SLC2A14: variants seen among roughly 807,000 people sequenced by gnomAD.
SLC2A14 encodes solute carrier family 2 member 14, also known as solute carrier family 2, facilitated glucose transporter member 14.
A neutral mutation model predicts 43.0 loss-of-function variants in SLC2A14; 13 were observed. The ratio of observed to expected loss-of-function variants is 0.30; its 90% CI spans 0.20 to 0.48. SLC2A14 has a LOEUF of 0.48. Ranked by LOEUF, SLC2A14 falls within the 20% of genes least tolerant of loss-of-function variation. SLC2A14 has a pLI of 0.99. For missense variants in SLC2A14, 428 were observed against 620.4 expected (o/e 0.69, Z 3.29); for synonymous variants, 190 against 233.8 (o/e 0.81, Z 1.71).
chr12:7,828,131 A>C (rs1864657665), intron 6 of SLC2A14, among the ~76,000 whole-genome samples: 1 of 151,966 alleles, frequency 6.6e-6, no homozygotes, highest in Non-Finnish European at 1.5e-5. Context: ...TGGGAGGCCA[A>C]GGCAGGCGAA....
chr12:7,814,231 C>T lies in SLC2A14; in HGVS notation c.*85G>A. 2 of 1,461,708 alleles carry T rather than the reference C, an allele frequency of 1.4e-6. No homozygotes were observed. Among genetic ancestry groups the T allele is most frequent in the South Asian group, 2.6e-5 (2 of 78,246 alleles). 90.5% of individuals were successfully genotyped at this position (1,461,708 alleles called of 1,614,324 possible). A position where few individuals can be genotyped will look rare whatever the true frequency, so the allele number is the denominator to read the frequency against. The stretch of plus-strand genomic sequence containing the variant: ...TCAAGTAGCAGCATTCAGAAGCAGT[C>T]CTGGGTTCATCCTGATAAAGTCTCT... On this transcript the variant is annotated 3_prime_UTR_variant, in exon 11 of 11. Coordinates refer to ENST00000431042, the MANE Select transcript of SLC2A14 (RefSeq NM_001286234.2).
At chr12:7,886,151 C>CTTTT (rs3044922) in intron 1 of SLC2A14, among the ~76,000 whole-genome samples, 4 of 44,696 alleles carry the variant, frequency 8.9e-5, no homozygotes, top group Non-Finnish European at 1.6e-4. Flanking sequence ...GCCCGGACAG[C>CTTTT]TTTTTTTTTT....
chr12:7,859,326 G>A (rs1405459219), intron 2 of SLC2A14, among the ~76,000 whole-genome samples: 1 of 152,048 alleles, frequency 6.6e-6, no homozygotes, highest in Admixed American at 6.6e-5. Context: ...GGAGGCAGTG[G>A]TTGCGATGAG....
chr12:7,863,568 G>A (rs1944727828), intron 2 of SLC2A14: 2 of 332,238 alleles, frequency 6.0e-6, no homozygotes, highest in Admixed American at 7.8e-5. Context: ...GTTGCAGTGA[G>A]CTGAGATTGT....
chr12:7,838,618 C>G (rs1217425585), intron 2 of SLC2A14, among the ~76,000 whole-genome samples: 1 of 152,104 alleles, frequency 6.6e-6, no homozygotes, highest in Non-Finnish European at 1.5e-5. Flanking sequence ...TCACCCATAC[C>G]AAATTTAGAT....
chr12:7,857,991 G>A (rs1171121254), intron 2 of SLC2A14, among the ~76,000 whole-genome samples: 3 of 152,070 alleles, frequency 2.0e-5, no homozygotes, highest in African/African-American at 7.2e-5. Context: ...AAATTAGCCT[G>A]GTGTGGTGGC....
At chr12:7,817,137 C>T (rs551069599) in intron 10 of SLC2A14, among the ~76,000 whole-genome samples, 7 of 151,412 alleles carry the variant, frequency 4.6e-5, no homozygotes, top group South Asian at 2.1e-4. Flanking sequence ...TTTTTTGAGA[C>T]GGAGTTTCTG....
intron 2 of SLC2A14, among the ~76,000 whole-genome samples, chr12:7,841,661 A>G (rs1865955446): frequency 6.6e-6 from 1 of 152,156 alleles, no homozygotes; most frequent in Non-Finnish European, 1.5e-5. Context: ...TGTATATTCT[A>G]TAGGTTTGAT....
intron 6 of SLC2A14, 125 bp from the exon 7 acceptor site, chr12:7,827,807 G>T: frequency 6.6e-7 from 1 of 1,505,434 alleles, no homozygotes; most frequent in Non-Finnish European, 8.9e-7. Flanking sequence ...TCCTGAACCT[G>T]CCCTCTCACC....
At chr12:7,889,937 T>C (rs1189976035) in intron 1 of SLC2A14, among the ~76,000 whole-genome samples, 1 of 150,828 alleles carries the variant, frequency 6.6e-6, no homozygotes, top group Non-Finnish European at 1.5e-5. Flanking sequence ...CAGGTTGCCT[T>C]GGCATTCCTA....
chr12:7,840,409 C>T (rs750232503), intron 2 of SLC2A14, among the ~76,000 whole-genome samples: 1 of 151,968 alleles, frequency 6.6e-6, no homozygotes, highest in East Asian at 1.9e-4. Context: ...GACAGAATTT[C>T]GCTCTTGTCG....
At chr12:7,814,825 A>T (rs112567894) in intron 10 of SLC2A14, among the ~76,000 whole-genome samples, 10,736 of 151,586 alleles carry the variant, frequency 0.071, 698 homozygotes, top group African/African-American at 0.16. Context: ...TTGGAGATGG[A>T]GTCTCACTCT....
chr12:7,842,207 T>C (rs1437569311), intron 2 of SLC2A14, among the ~76,000 whole-genome samples: 1 of 152,190 alleles, frequency 6.6e-6, no homozygotes, highest in Admixed American at 6.5e-5. Flanking sequence ...CTGCATGTCT[T>C]TTCGTGGCTC....
At chr12:7,883,963 G>T (rs761886317) in intron 1 of SLC2A14, among the ~76,000 whole-genome samples, 4 of 147,952 alleles carry the variant, frequency 2.7e-5, no homozygotes, top group Admixed American at 2.1e-4. Flanking sequence ...TTGGTCTGTC[G>T]CCCAGGCTGG....
chr12:7,821,105 A>T, intron 8 of SLC2A14, 116 bp downstream of exon 8: 2 of 782,572 alleles, frequency 2.6e-6, no homozygotes, highest in Non-Finnish European at 4.0e-6. Context: ...TAAAAAAATA[A>T]AAATAAATAA....
intron 2 of SLC2A14, among the ~76,000 whole-genome samples, chr12:7,838,337 C>T (rs1009193083): frequency 2.6e-5 from 4 of 152,022 alleles, no homozygotes; most frequent in Admixed American, 1.3e-4. Context: ...CCACCTGCCT[C>T]GGCCTCCCAA....
intron 2 of SLC2A14, chr12:7,856,337 A>G (rs772264182): frequency 1.3e-5 from 2 of 152,100 alleles, no homozygotes; most frequent in Non-Finnish European, 2.9e-5. Context: ...CCACAAAGTT[A>G]CCTAAGGAGA....
chr12:7,857,556 C>A (rs1461084795), intron 2 of SLC2A14, among the ~76,000 whole-genome samples: 40 of 152,106 alleles, frequency 2.6e-4, no homozygotes, highest in Admixed American at 2.6e-3. Context: ...CCATTGCACT[C>A]CAGCCTGGGC....
intron 2 of SLC2A14, among the ~76,000 whole-genome samples, chr12:7,869,528 G>A: frequency 6.6e-6 from 1 of 152,078 alleles, no homozygotes; most frequent in Non-Finnish European, 1.5e-5. Flanking sequence ...TATAGCCATG[G>A]TTCTTTCCAA....
Sources: allele counts gnomAD v4.1 joint callset (sites outside exome capture counted in the v4.1 genomes callset), GRCh38; gene constraint gnomAD v4.1.1; transcripts MANE v1.5; gene names NCBI Gene and HGNC (gene_info 2026-07-23, HGNC 2026-07-21).